PRR16: variants seen among roughly 807,000 people sequenced by gnomAD.
PRR16 encodes the protein proline rich 16.
Under a neutral mutation model 18.2 loss-of-function variants are expected in PRR16, and 6 were observed. The ratio of observed to expected loss-of-function variants is 0.33; its 90% confidence interval spans 0.18 to 0.65. The LOEUF (loss-of-function observed/expected upper bound fraction) is 0.65. PRR16 is among the 30% of genes least tolerant of loss of function. PRR16 has a pLI of 0.74. For synonymous variants in PRR16, 151 were observed against 147.8 expected, an observed-to-expected ratio of 1.02 and a Z score of -0.16; for missense variants, 412 against 376.6, an observed-to-expected ratio of 1.09 and a Z score of -0.78.
At chr5:120,658,961 G>A (rs956901662) in intron 1 of PRR16, among the ~76,000 whole-genome samples, 4 of 151,448 alleles carry the variant, frequency 2.6e-5, no homozygotes, top group Non-Finnish European at 5.9e-5. Flanking sequence ...TCTTCCCTCT[G>A]GTCACAATCA....
intron 1 of PRR16, among the ~76,000 whole-genome samples, chr5:120,509,746 A>G (rs1750761025): frequency 6.6e-6 from 1 of 152,160 alleles, no homozygotes; most frequent in Non-Finnish European, 1.5e-5. Context: ...TTTGGCCTGA[A>G]GTCGTCAGGT....
chr5:120,676,159 C>A (rs1756788218), intron 1 of PRR16, among the ~76,000 whole-genome samples: 1 of 152,052 alleles, frequency 6.6e-6, no homozygotes, highest in Non-Finnish European at 1.5e-5. Context: ...TCAGAGAAAG[C>A]TTGTTGCTTT....
intron 1 of PRR16, among the ~76,000 whole-genome samples, chr5:120,624,463 C>G (rs1754796234): frequency 6.6e-6 from 1 of 152,072 alleles, no homozygotes; most frequent in African/African-American, 2.4e-5. Flanking sequence ...TAAAATGTTT[C>G]TACTTCTAAA....
intron 1 of PRR16, among the ~76,000 whole-genome samples, chr5:120,582,008 A>G (rs562363020): frequency 8.7e-4 from 132 of 152,284 alleles, no homozygotes; most frequent in African/African-American, 3.1e-3. Context: ...CTGCAATGGT[A>G]TGTTTATCGC....
the PRR16 span, among the ~76,000 whole-genome samples, chr5:120,792,373 TAA>T: frequency 7.1e-6 from 1 of 140,800 alleles, no homozygotes; most frequent in African/African-American, 2.5e-5. Flanking sequence ...TTTTTTCTCT[TAA>T]GTTTTGATTA....
At chr5:120,664,018 G>T (rs1321828900) in intron 1 of PRR16, among the ~76,000 whole-genome samples, 1 of 152,072 alleles carries the variant, frequency 6.6e-6, no homozygotes, top group Admixed American at 6.6e-5. Context: ...GACAAATCTG[G>T]CCGGGCGCGG....
At chr5:120,794,052 G>A in the PRR16 span, among the ~76,000 whole-genome samples, 2 of 152,084 alleles carry the variant, frequency 1.3e-5, no homozygotes, top group Admixed American at 6.6e-5. Flanking sequence ...TACAACAAAT[G>A]TAGGTATGTT....
At chr5:120,491,482 T>TCTTC (rs199581447) in intron 1 of PRR16, among the ~76,000 whole-genome samples, 1 of 123,924 alleles carries the variant, frequency 8.1e-6, no homozygotes, top group African/African-American at 2.9e-5. Context: ...TCCTTTCCTT[T>TCTTC]CTTCCTTCCT....
At chr5:120,655,136 T>C (rs763484880) in intron 1 of PRR16, among the ~76,000 whole-genome samples, 4 of 151,882 alleles carry the variant, frequency 2.6e-5, no homozygotes, top group Non-Finnish European at 5.9e-5. Context: ...ATTTCTGATT[T>C]CCAGTCTCCA....
chr5:120,617,119 C>A (rs1304256372), intron 1 of PRR16: 1 of 985,228 alleles, frequency 1.0e-6, no homozygotes, highest in African/African-American at 1.7e-5. Flanking sequence ...ACTCCCACCT[C>A]CCCACATGAT....
chr5:120,724,220 AT>A, the PRR16 span, among the ~76,000 whole-genome samples: 1 of 152,206 alleles, frequency 6.6e-6, no homozygotes, highest in East Asian at 1.9e-4. Context: ...AAATTTATTA[AT>A]TAATTTGGGA....
At chr5:120,666,543 C>A (rs1756383737) in intron 1 of PRR16, among the ~76,000 whole-genome samples, 1 of 151,896 alleles carries the variant, frequency 6.6e-6, no homozygotes, top group South Asian at 2.1e-4. Context: ...TGCCAGTTTT[C>A]AAAGGGAATG....
chr5:120,470,024 T>A (rs1376787863), intron 1 of PRR16, among the ~76,000 whole-genome samples: 2 of 152,226 alleles, frequency 1.3e-5, no homozygotes, highest in African/African-American at 2.4e-5. Flanking sequence ...GTTATTTTCA[T>A]CCTTGCTTCT....
At chr5:120,568,756 A>G (rs1035453474) in intron 1 of PRR16, among the ~76,000 whole-genome samples, 1 of 152,136 alleles carries the variant, frequency 6.6e-6, no homozygotes, top group East Asian at 1.9e-4. Flanking sequence ...AGTGATTCAG[A>G]TGCTTTTCTG....
At chr5:120,537,775 T>A (rs1044320794) in intron 1 of PRR16, among the ~76,000 whole-genome samples, 58 of 141,180 alleles carry the variant, frequency 4.1e-4, no homozygotes, top group East Asian at 1.6e-3. Context: ...TAATGTTTTT[T>A]TTTTTTTTTT....
chr5:120,665,606 C>A (rs139740329), intron 1 of PRR16, among the ~76,000 whole-genome samples: 51,180 of 151,734 alleles, frequency 0.34, 9,282 homozygotes, highest in East Asian at 0.71. Context: ...ACATGTAAGT[C>A]TTTAATCCAT....
intron 1 of PRR16, among the ~76,000 whole-genome samples, chr5:120,510,818 G>A (rs946430912): frequency 1.2e-4 from 18 of 152,120 alleles, no homozygotes; most frequent in Non-Finnish European, 2.2e-4. Flanking sequence ...TGGAATGAAA[G>A]GTAAACAAAA....
chr5:120,671,409 C>G lies in PRR16; in HGVS notation c.160-14545C>G, dbSNP rs151168305. Among the ~76,000 whole-genome samples, 12 of 152,168 alleles carry G rather than the reference C, an allele frequency of 7.9e-5. No individual in the cohort carries two copies. The East Asian group carries it at 2.3e-3, about 29-fold the overall frequency. ...CATCCTACCATCTTACCTTTACATGCAGTAGTGTTATCAGTATCAACATTT... is the reference window on the plus strand; with the variant it reads ...CATCCTACCATCTTACCTTTACATGGAGTAGTGTTATCAGTATCAACATTT... On this transcript the variant is annotated intron_variant, in intron 1 of 1. Transcript: ENST00000407149.
intron 1 of PRR16, among the ~76,000 whole-genome samples, chr5:120,589,284 T>C (rs1753553440): frequency 6.6e-6 from 1 of 152,126 alleles, no homozygotes; most frequent in African/African-American, 2.4e-5. Context: ...TCTTATTGGC[T>C]CCAACTTTCA....
Sources: allele counts gnomAD v4.1 joint callset (sites outside exome capture counted in the v4.1 genomes callset), GRCh38; gene constraint gnomAD v4.1.1; transcripts MANE v1.5; gene names NCBI Gene and HGNC (gene_info 2026-07-23, HGNC 2026-07-21).